CEP290: variants seen among roughly 807,000 people sequenced by gnomAD.
CEP290 encodes centrosomal protein 290, also known as centrosomal protein of 290 kDa.
CEP290 carries 317 observed loss-of-function variants against 344.9 expected under a neutral mutation model. The observed-to-expected ratio is 0.92, with a 90% CI of 0.84 to 1.01. The LOEUF (loss-of-function observed/expected upper bound fraction) is 1.01, where lower values mean the gene tolerates loss of function less well. Ranked by LOEUF, CEP290 falls within the 50% of genes least tolerant of loss-of-function variation. The pLI is 0.00. For synonymous variants in CEP290, 932 were observed against 895.8 expected, an observed-to-expected ratio of 1.04 and a Z score of -0.72; for missense variants, 2,754 against 2,761.4, an observed-to-expected ratio of 1.00 and a Z score of 0.06.
rs1337146202 is a variant in CEP290 at position 88,084,714 on chromosome 12, C to A, written c.4576G>T (p.Glu1526Ter). 1.9e-6 allele frequency: 3 copies of A among 1,613,768 alleles called. No individual in the cohort carries two copies. Among genetic ancestry groups the A allele is most frequent in the East Asian group, 2.2e-5 (1 of 44,856 alleles). Residue 1526 changes from glutamate to a stop codon, truncating the protein, a stop_gained, in exon 35 of 54, where the codon GAG becomes TAG. Coordinates refer to ENST00000552810, the MANE Select transcript of CEP290 (RefSeq NM_025114.4). LOFTEE classifies it high-confidence loss of function. Reference sequence around the variant, plus strand: ...GTGTGGTGAGATTTTGGTTCCATCTCTTTTCTGCCTAGCTCAGCTATGAGC... The same window carrying A: ...GTGTGGTGAGATTTTGGTTCCATCTATTTTCTGCCTAGCTCAGCTATGAGC... The part of the protein sequence containing the change: ...EKLIAELGRK[E>*]MEPKSHHTLK...
intron 2 of CEP290, 79 bp downstream of exon 2, chr12:88,141,126 GA>G (rs1388394345): frequency 1.5e-6 from 2 of 1,303,168 alleles, no homozygotes; most frequent in Admixed American, 3.1e-5. Flanking sequence ...AGTTGTCCCT[GA>G]AAAAAATAAA....
At chr12:88,072,688 A>G (rs988508732) in intron 41 of CEP290, among the ~76,000 whole-genome samples, 24 of 152,184 alleles carry the variant, frequency 1.6e-4, no homozygotes, top group African/African-American at 5.5e-4. Context: ...TCTTCAATGC[A>G]CATTACTTCA....
chr12:88,120,383 C>G, intron 14 of CEP290, 107 bp from the exon 15 acceptor site: 1 of 508,518 alleles, frequency 2.0e-6, no homozygotes, highest in South Asian at 4.8e-5. Flanking sequence ...GTACATATGC[C>G]TATAATTTAT....
intron 52 of CEP290, among the ~76,000 whole-genome samples, chr12:88,050,707 T>A (rs1344302181): frequency 6.6e-6 from 1 of 152,156 alleles, no homozygotes; most frequent in African/African-American, 2.4e-5. Flanking sequence ...AAATTTTACA[T>A]GGAAAAAATC....
At position 88,109,573 on chromosome 12, in the gene CEP290, A is replaced by G. The variant is rs1047177601; in HGVS notation, c.2368-392T>C. ...AATTTAAATAACTTACTCAATATCC[A>G]AAAACTCATTAACACTACACTTGGC... On this transcript the variant is annotated intron_variant, in intron 22 of 53. Coordinates refer to ENST00000552810, the MANE Select transcript of CEP290 (RefSeq NM_025114.4). Among the ~76,000 whole-genome samples, 6 of 152,214 alleles carry G rather than the reference A, an allele frequency of 3.9e-5. No homozygotes were observed. In the South Asian group the frequency reaches 6.2e-4, roughly 16 times the overall value.
At chr12:88,063,708 G>T (rs1262796099) in intron 45 of CEP290, among the ~76,000 whole-genome samples, 1 of 151,930 alleles carries the variant, frequency 6.6e-6, no homozygotes, top group Admixed American at 6.6e-5. Flanking sequence ...ACTATTTAGT[G>T]ACTTGTTTAT....
chr12:88,115,760 A>T, intron 18 of CEP290: 1 of 972,140 alleles, frequency 1.0e-6, no homozygotes, highest in Non-Finnish European at 1.2e-6. Flanking sequence ...TTGGAGAAAA[A>T]CTCACCTGAG....
At chr12:88,054,502 T>C in intron 50 of CEP290, 89 bp from the exon 51 acceptor site, 1 of 1,046,104 alleles carries the variant, frequency 9.6e-7, no homozygotes, top group Non-Finnish European at 1.4e-6. Context: ...AAGCGTAATA[T>C]TAAAATATGG....
chr12:88,086,593 A>C, intron 32 of CEP290, 95 bp from the exon 33 acceptor site: 1 of 747,840 alleles, frequency 1.3e-6, no homozygotes, highest in Non-Finnish European at 2.1e-6. Context: ...TCCTCACAAC[A>C]CATTGAAGAA....
At chr12:88,130,236 CA>C (rs775539239) in intron 9 of CEP290, 31 bp downstream of exon 9, 1 of 1,558,980 alleles carries the variant, frequency 6.4e-7, no homozygotes, top group East Asian at 2.3e-5. Context: ...TTTTAGGAAC[CA>C]TTGCTCTGAA....
chr12:88,141,146 T>C, intron 2 of CEP290, 60 bp downstream of exon 2: 1 of 1,294,804 alleles, frequency 7.7e-7, no homozygotes, highest in Non-Finnish European at 1.0e-6. Flanking sequence ...AATTCATATT[T>C]TATTAATAAA....
intron 13 of CEP290, 69 bp from the exon 14 acceptor site, chr12:88,121,235 T>C: frequency 8.4e-7 from 1 of 1,189,636 alleles, no homozygotes; most frequent in Non-Finnish European, 1.2e-6. Context: ...GATCCCAACA[T>C]GGTGGCAAGA....
chr12:88,110,330 T>G (rs1414243085), intron 22 of CEP290, among the ~76,000 whole-genome samples: 3 of 152,156 alleles, frequency 2.0e-5, no homozygotes, highest in Non-Finnish European at 4.4e-5. Context: ...GCAGGTAGTA[T>G]AGTAGAGTAC....
At position 88,068,613 on chromosome 12, in the gene CEP290, A is replaced by G; in HGVS notation, c.6044T>C (p.Val2015Ala). ...TCTATTTTGTAAATGTAAATCTTCTACAACAGAATCTCGAGGAAGAGCTTG... is the reference window on the plus strand; with the variant it reads ...TCTATTTTGTAAATGTAAATCTTCTGCAACAGAATCTCGAGGAAGAGCTTG... Reference protein sequence around the residue: ...AHQALPRDSVVEDLHLQNRYL... With the variant: ...AHQALPRDSVAEDLHLQNRYL... The change falls in exon 44 of 54, where the codon GTA becomes GCA. Residue 2015 changes from valine (V) to alanine (A), a missense_variant. Coordinates refer to ENST00000552810, the MANE Select transcript of CEP290 (RefSeq NM_025114.4). 3.1e-6 allele frequency: 5 copies of G among 1,594,958 alleles called. No homozygotes were observed. Among genetic ancestry groups the G allele is most frequent in the Non-Finnish European group, 4.3e-6 (5 of 1,173,814 alleles).
chr12:88,127,349 A>G (rs1458286687), intron 11 of CEP290, among the ~76,000 whole-genome samples: 2 of 152,108 alleles, frequency 1.3e-5, no homozygotes, highest in African/African-American at 2.4e-5. Context: ...TTAGCTGCGC[A>G]TGGCGGCACA....
At chr12:88,091,255 C>T (rs1297850877) in intron 29 of CEP290, among the ~76,000 whole-genome samples, 1 of 152,062 alleles carries the variant, frequency 6.6e-6, no homozygotes, top group Non-Finnish European at 1.5e-5. Context: ...GTATTTAGTA[C>T]ATTTATCTAA....
intron 44 of CEP290, among the ~76,000 whole-genome samples, chr12:88,066,551 C>G (rs1350275585): frequency 6.6e-6 from 1 of 151,142 alleles, no homozygotes; most frequent in Non-Finnish European, 1.5e-5. Flanking sequence ...CTCCTGCTGC[C>G]TTGGCCTCCC....
chr12:88,131,105 T>TTAGGTACTTATTA (rs1341942315), intron 7 of CEP290, 60 bp downstream of exon 7: 20 of 1,255,796 alleles, frequency 1.6e-5, no homozygotes, highest in Non-Finnish European at 2.1e-5. Flanking sequence ...TTATGTAAAC[T>TTAGGTACTTATTA]TAGGTACTTA....
At chr12:88,070,151 G>T (rs2035261121) in intron 43 of CEP290, among the ~76,000 whole-genome samples, 3 of 152,158 alleles carry the variant, frequency 2.0e-5, no homozygotes, top group Admixed American at 2.0e-4. Context: ...GTGATGCAGG[G>T]CAAGGGCATC....
Sources: allele counts gnomAD v4.1 joint callset (sites outside exome capture counted in the v4.1 genomes callset), GRCh38; gene constraint gnomAD v4.1.1; transcripts MANE v1.5; gene names NCBI Gene and HGNC (gene_info 2026-07-23, HGNC 2026-07-21).